CSMD1: variants seen among roughly 807,000 people sequenced by gnomAD.
CSMD1 encodes CUB and sushi domain-containing protein 1.
A neutral mutation model predicts 417.5 loss-of-function variants in CSMD1; 213 were observed. The ratio of observed to expected loss-of-function variants is 0.51; its 90% CI spans 0.46 to 0.57. The LOEUF (loss-of-function observed/expected upper bound fraction) is 0.57, where lower values mean the gene tolerates loss of function less well. CSMD1 is among the 20% of genes least tolerant of loss of function. The probability of loss-of-function intolerance (pLI) is 0.00; values close to 1 mark genes in which losing one functional copy is unlikely to be tolerated. For missense variants in CSMD1, 6,923 were observed against 4,529.7 expected (o/e 1.53, Z -15.17); for synonymous variants, 2,862 against 1,736.8 (o/e 1.65, Z -16.11).
chr8:3,090,232 G>A (rs1342642543), intron 48 of CSMD1, among the ~76,000 whole-genome samples: 2 of 146,088 alleles, frequency 1.4e-5, no homozygotes, highest in East Asian at 4.2e-4. Context: ...CAGGAGAATG[G>A]CCTGAACCCG....
intron 21 of CSMD1, among the ~76,000 whole-genome samples, chr8:3,358,816 T>C (rs895832633): frequency 2.0e-5 from 3 of 152,024 alleles, no homozygotes; most frequent in African/African-American, 7.3e-5. Context: ...ATAGCTTGGC[T>C]TCTATCTTCC....
chr8:4,948,499 G>A (rs1808517645), intron 1 of CSMD1, among the ~76,000 whole-genome samples: 1 of 151,804 alleles, frequency 6.6e-6, no homozygotes, highest in Admixed American at 6.6e-5. Flanking sequence ...ATTGCATAAT[G>A]ACCTTCATTA....
chr8:4,816,314 A>T (rs1182894893), intron 1 of CSMD1, among the ~76,000 whole-genome samples: 2 of 152,002 alleles, frequency 1.3e-5, no homozygotes, highest in African/African-American at 4.8e-5. Flanking sequence ...CCTGCCAAGT[A>T]GCTGGGATTA....
intron 5 of CSMD1, among the ~76,000 whole-genome samples, chr8:3,938,630 C>T (rs1162335178): frequency 6.6e-6 from 1 of 152,106 alleles, no homozygotes; most frequent in African/African-American, 2.4e-5. Flanking sequence ...TAGGCTGCCC[C>T]AGCAGGTCAC....
At chr8:4,721,857 TA>T (rs1243477121) in intron 1 of CSMD1, among the ~76,000 whole-genome samples, 1 of 152,142 alleles carries the variant, frequency 6.6e-6, no homozygotes, top group Non-Finnish European at 1.5e-5. Flanking sequence ...CAAAAGGAGA[TA>T]CTGTCATTTG....
chr8:3,961,864 G>C (rs199706703), intron 5 of CSMD1, among the ~76,000 whole-genome samples: 1 of 152,100 alleles, frequency 6.6e-6, no homozygotes, highest in African/African-American at 2.4e-5. Context: ...TGTCCCTTTA[G>C]TCCTAAAACA....
intron 2 of CSMD1, among the ~76,000 whole-genome samples, chr8:4,454,681 T>A (rs1401684867): frequency 6.6e-6 from 1 of 152,172 alleles, no homozygotes; most frequent in Non-Finnish European, 1.5e-5. Flanking sequence ...CTTAGCATGT[T>A]CTCTACATAG....
chr8:4,966,481 T>C (rs1365585491), intron 1 of CSMD1, among the ~76,000 whole-genome samples: 2 of 152,284 alleles, frequency 1.3e-5, no homozygotes, highest in Non-Finnish European at 2.9e-5. Context: ...CAGATCTCAA[T>C]GGGACACATC....
intron 1 of CSMD1, among the ~76,000 whole-genome samples, chr8:4,640,418 T>A (rs1396259900): frequency 6.6e-6 from 1 of 152,194 alleles, no homozygotes; most frequent in African/African-American, 2.4e-5. Context: ...GTTTGATTGG[T>A]GTAAGCCTAA....
At chr8:4,031,310 G>A (rs746566224) in intron 4 of CSMD1, among the ~76,000 whole-genome samples, 2 of 152,216 alleles carry the variant, frequency 1.3e-5, no homozygotes, top group Non-Finnish European at 2.9e-5. Context: ...ACCGTCCCAA[G>A]TGGCTGGGGA....
At chr8:3,980,225 C>T (rs1268874824) in intron 5 of CSMD1, among the ~76,000 whole-genome samples, 1 of 152,210 alleles carries the variant, frequency 6.6e-6, no homozygotes, top group Non-Finnish European at 1.5e-5. Flanking sequence ...TCTTATCAAC[C>T]ATTGGCATAG....
chr8:3,656,580 T>C (rs1171431649), intron 7 of CSMD1, among the ~76,000 whole-genome samples: 1 of 152,162 alleles, frequency 6.6e-6, no homozygotes, highest in African/African-American at 2.4e-5. Flanking sequence ...AGGAGTTTTC[T>C]TACGAAGCCC....
At chr8:4,040,779 C>T (rs979994426) in intron 3 of CSMD1, among the ~76,000 whole-genome samples, 14 of 152,088 alleles carry the variant, frequency 9.2e-5, no homozygotes, top group African/African-American at 3.1e-4. Context: ...GGATTTGAAA[C>T]CTAGAGACTA....
chr8:3,604,726 A>G lies in CSMD1; in HGVS notation c.1097+11984T>C, dbSNP rs189893509. On this transcript the variant is annotated intron_variant, in intron 8 of 69. Transcript: ENST00000635120. ...TTATTCTCTGCATCAGGAGAGAAAC[A>G]TTATAACATCAGTGCCCTTGGACAC... is the stretch of plus-strand genomic sequence containing the variant. Among the ~76,000 whole-genome samples, 137 of 152,298 alleles carry G rather than the reference A, an allele frequency of 9.0e-4. 1 individual carries two copies. The highest frequency in any genetic ancestry group is 1.8e-3 in the Non-Finnish European group (123 of 68,024).
intron 7 of CSMD1, among the ~76,000 whole-genome samples, chr8:3,643,359 G>A (rs949438154): frequency 1.3e-5 from 2 of 152,066 alleles, no homozygotes; most frequent in African/African-American, 4.8e-5. Context: ...AAGAAATGGG[G>A]TTTACAAGCT....
chr8:4,620,119 G>C (rs1010178573), intron 2 of CSMD1, among the ~76,000 whole-genome samples: 2 of 151,700 alleles, frequency 1.3e-5, no homozygotes, highest in African/African-American at 2.4e-5. Context: ...TCAGTTATAG[G>C]AGTATACATT....
intron 5 of CSMD1, among the ~76,000 whole-genome samples, chr8:3,779,914 G>A (rs1019235873): frequency 6.6e-6 from 1 of 152,126 alleles, no homozygotes; most frequent in African/African-American, 2.4e-5. Flanking sequence ...CTGTCTCCCA[G>A]ATCCACTGCT....
chr8:3,457,800 G>C (rs765584008), intron 12 of CSMD1, among the ~76,000 whole-genome samples: 2 of 152,180 alleles, frequency 1.3e-5, no homozygotes, highest in African/African-American at 2.4e-5. Flanking sequence ...AAACCTGTTT[G>C]TAAAAGTGGG....
intron 4 of CSMD1, among the ~76,000 whole-genome samples, chr8:4,028,691 A>C (rs1797188760): frequency 6.6e-6 from 1 of 152,196 alleles, no homozygotes; most frequent in African/African-American, 2.4e-5. Context: ...AACCTTTTGC[A>C]AATTAAAACT....
Sources: gnomAD v4.1 joint callset for allele counts (sites outside exome capture counted in the v4.1 genomes callset) on GRCh38, gnomAD v4.1.1 for gene constraint, MANE v1.5 for transcripts, NCBI Gene and HGNC (gene_info 2026-07-23, HGNC 2026-07-21) for gene names.